Variants in SOX21 observed in about 807,000 individuals in gnomAD.
The protein encoded by SOX21 is transcription factor SOX-21.
For synonymous variants in SOX21, 237 were observed against 189.7 expected (o/e 1.25, Z -2.05); for missense variants, 370 against 388.8 (o/e 0.95, Z 0.41).
rs1009907592 is a variant in SOX21, at chr13:94,711,016, C to T, written c.*203G>A. The T allele has an allele frequency of 9.3e-6, 4 of 427,902 alleles. No individual in the cohort carries two copies. The highest frequency in any genetic ancestry group is 1.6e-5 in the Non-Finnish European group (4 of 255,918). The allele number at this position is 427,902 out of a possible 1,614,324, so 26.5% of individuals were successfully genotyped here. ...CGGGTCTGAAATGATCCTGCGAATT[C>T]ACAGGCCTGCTCGCCCGCGCCCTTG... On this transcript the variant is annotated 3_prime_UTR_variant, in exon 1 of 1. Transcript: ENST00000376945.
rs1160138288 is a variant in SOX21, at chr13:94,712,061, G to C, written c.-12C>G. 1 of 1,609,514 alleles carries C rather than the reference G, an allele frequency of 6.2e-7. No individual in the cohort carries two copies. The highest frequency in any genetic ancestry group is 1.3e-5 in the African/African-American group (1 of 74,630). On this transcript the variant is annotated 5_prime_UTR_variant, in exon 1 of 1. Coordinates refer to ENST00000376945, the MANE Select transcript of SOX21 (RefSeq NM_007084.4). This position sits in a 1 kb window ranked among gnomAD's most constrained non-coding sequence, Gnocchi z 5.0. Reference sequence around the variant, plus strand: ...ACCGGCTTGGACATGCTCTCGCCCTGCCGCGGCTGCAGCCCGCCGCCTCCC... The same window carrying C: ...ACCGGCTTGGACATGCTCTCGCCCTCCCGCGGCTGCAGCCCGCCGCCTCCC...
In SOX21 at chr13:94,712,209, C is replaced by T; in HGVS notation, c.-160G>A. Reference sequence around the variant, plus strand: ...CCGGAGGAGGGGGCTGGGGGACCAGCCCAGGGCCACGCCGCGCCCCGGGCC... The same window carrying T: ...CCGGAGGAGGGGGCTGGGGGACCAGTCCAGGGCCACGCCGCGCCCCGGGCC... On this transcript the variant is annotated 5_prime_UTR_variant, in exon 1 of 1. Transcript: ENST00000376945. This position sits in a 1 kb window ranked among gnomAD's most constrained non-coding sequence, Gnocchi z 5.0. 3.9e-6 allele frequency: 5 copies of T among 1,281,606 alleles called. No individual in the cohort carries two copies. The highest frequency in any genetic ancestry group is 4.9e-6 in the Non-Finnish European group (5 of 1,019,344). The allele number at this position is 1,281,606 out of a possible 1,614,324, so 79.4% of individuals were successfully genotyped here. A position where few individuals can be genotyped will look rare whatever the true frequency, so the allele number is the denominator to read the frequency against.
chr13:94,711,402 G>GGCCGCCGCTGCAGCCGCC lies in SOX21; in HGVS notation c.630_647dup (p.Ala214_Ala219dup), dbSNP rs1439049576. 9.5e-6 allele frequency: 7 copies of GGCCGCCGCTGCAGCCGCC among 739,454 alleles called. No individual in the cohort carries two copies. Among genetic ancestry groups the GGCCGCCGCTGCAGCCGCC allele is most frequent in the South Asian group, 1.2e-4 (2 of 16,312 alleles). The allele number at this position is 739,454 out of a possible 1,614,324, so 45.8% of individuals were successfully genotyped here. ...AGTGCGTGTGCCCCCCGGCGGCGGC[G>GGCCGCCGCTGCAGCCGCC]GCCGCCGCTGCAGCCGCCGCCGCCG... On this transcript the variant is annotated inframe_insertion, in exon 1 of 1. Coordinates refer to ENST00000376945, the MANE Select transcript of SOX21 (RefSeq NM_007084.4).
Position 94,711,804 on chromosome 13 carries a change from C to T in SOX21, c.246G>A (p.Lys82=). ...TGTCCTTCTTGAGCAGCGTCTTGGGCTTGCGCCGCGGCCGGTACTTGTAGT... is the reference window on the plus strand; with the variant it reads ...TGTCCTTCTTGAGCAGCGTCTTGGGTTTGCGCCGCGGCCGGTACTTGTAGT... The part of the protein sequence containing the change: ...HPDYKYRPRR[K]PKTLLKKDKF... Residue 82 remains lysine (K), a synonymous_variant, in exon 1 of 1, where the codon AAG becomes AAA. Transcript: ENST00000376945. 1 of 1,613,838 alleles carries T rather than the reference C, an allele frequency of 6.2e-7. No individual in the cohort carries two copies. Among genetic ancestry groups the T allele is most frequent in the Non-Finnish European group, 8.5e-7 (1 of 1,179,888 alleles).
In SOX21 at chr13:94,711,121, C is replaced by T; in HGVS notation, c.*98G>A. On this transcript the variant is annotated 3_prime_UTR_variant, in exon 1 of 1. Coordinates refer to ENST00000376945, the MANE Select transcript of SOX21 (RefSeq NM_007084.4). ...ACATTCTATGTACATACAAACCGGG[C>T]CCCCGGTCGCGGGAGGGCGCACGGG... is the stretch of plus-strand genomic sequence containing the variant. 9.0e-7 allele frequency: 1 copy of T among 1,115,668 alleles called. No individual in the cohort carries two copies. Among genetic ancestry groups the T allele is most frequent in the Non-Finnish European group, 1.1e-6 (1 of 882,466 alleles). The allele number at this position is 1,115,668 out of a possible 1,614,324, so 69.1% of individuals were successfully genotyped here. A position where few individuals can be genotyped will look rare whatever the true frequency, so the allele number is the denominator to read the frequency against.
chr13:94,710,861 G>T lies in SOX21; in HGVS notation c.*358C>A. Reference sequence around the variant, plus strand: ...CGACCATGAAACTTCCAACAAAACTGGAAAGGCCAACATGTCAAAAAGTTA... The same window carrying T: ...CGACCATGAAACTTCCAACAAAACTTGAAAGGCCAACATGTCAAAAAGTTA... On this transcript the variant is annotated 3_prime_UTR_variant, in exon 1 of 1. Coordinates refer to ENST00000376945, the MANE Select transcript of SOX21 (RefSeq NM_007084.4). 1 of 190,450 alleles carries T rather than the reference G, an allele frequency of 5.3e-6. No homozygotes were observed. Among genetic ancestry groups the T allele is most frequent in the Non-Finnish European group, 1.1e-5 (1 of 92,918 alleles). 11.8% of individuals were successfully genotyped at this position (190,450 alleles called of 1,614,324 possible). A position where few individuals can be genotyped will look rare whatever the true frequency, so the allele number is the denominator to read the frequency against.
In SOX21 at chr13:94,711,495, G is replaced by T; in HGVS notation, c.555C>A (p.Ser185=). ...LGSKMAEISS[S]SSGLPYASSL... ...ACGACGCGTACGGGAGGCCGGACGA[G>T]GACGACGAGATCTCTGCCATTTTGG... The change falls in exon 1 of 1, where the codon TCC becomes TCA. Residue 185 remains serine, a synonymous_variant. Coordinates refer to ENST00000376945, the MANE Select transcript of SOX21 (RefSeq NM_007084.4). The T allele has an allele frequency of 9.3e-7, 1 of 1,079,154 alleles. No individual in the cohort carries two copies. Among genetic ancestry groups the T allele is most frequent in the Non-Finnish European group, 1.1e-6 (1 of 883,242 alleles). 66.8% of individuals were successfully genotyped at this position (1,079,154 alleles called of 1,614,324 possible).
rs1594515290 is a variant in SOX21 at position 94,711,391 on chromosome 13, C to T, written c.659G>A (p.Gly220Glu). The T allele has an allele frequency of 2.4e-6, 3 of 1,230,248 alleles. No individual in the cohort carries two copies. The highest frequency in any genetic ancestry group is 4.1e-5 in the South Asian group (1 of 24,414). 76.2% of individuals were successfully genotyped at this position (1,230,248 alleles called of 1,614,324 possible). A position where few individuals can be genotyped will look rare whatever the true frequency, so the allele number is the denominator to read the frequency against. The part of the protein sequence containing the change: ...AAAAAAAAAA[G>E]GHTHSHPSPG... ...GCTGGGGTGCGAGTGCGTGTGCCCC[C>T]CGGCGGCGGCGGCCGCCGCTGCAGC... The change falls in exon 1 of 1, where the codon GGG (glycine) becomes GAG (glutamate). Residue 220 changes from glycine (G) to glutamate (E), a missense_variant. Transcript: ENST00000376945.
rs918920103 is a variant in SOX21, at chr13:94,711,102, T to C, written c.*117A>G. On this transcript the variant is annotated 3_prime_UTR_variant, in exon 1 of 1. Transcript: ENST00000376945. ...GCCTCTACCTGGCACCTATACATTC[T>C]ATGTACATACAAACCGGGCCCCCGG... 2.9e-6 allele frequency: 3 copies of C among 1,021,216 alleles called. No individual in the cohort carries two copies. The highest frequency in any genetic ancestry group is 2.5e-6 in the Non-Finnish European group (2 of 796,620). The allele number at this position is 1,021,216 out of a possible 1,614,324, so 63.3% of individuals were successfully genotyped here.
Position 94,709,718 on chromosome 13 carries a change from C to T in SOX21, c.*1501G>A, listed in dbSNP as rs1485078113. ...TTCTAATTTACAGATATACCTTAGA[C>T]GTCTAATATTAAATTAGAAGGTCAC... On this transcript the variant is annotated 3_prime_UTR_variant, in exon 1 of 1. Transcript: ENST00000376945. 1 of 152,540 alleles carries T rather than the reference C, an allele frequency of 6.6e-6. No homozygotes were observed. Among genetic ancestry groups the T allele is most frequent in the Non-Finnish European group, 1.5e-5 (1 of 68,028 alleles). The allele number at this position is 152,540 out of a possible 1,614,324, so 9.4% of individuals were successfully genotyped here. A position where few individuals can be genotyped will look rare whatever the true frequency, so the allele number is the denominator to read the frequency against.
Position 94,711,405 on chromosome 13 carries a change from C to CG in SOX21, c.644dup (p.Ala216GlyfsTer80). 192 of 521,490 alleles carry CG rather than the reference C, an allele frequency of 3.7e-4. No individual in the cohort carries two copies. Among genetic ancestry groups the CG allele is most frequent in the Middle Eastern group, 2.7e-3 (3 of 1,120 alleles). 32.3% of individuals were successfully genotyped at this position (521,490 alleles called of 1,614,324 possible). On this transcript the variant is annotated frameshift_variant, in exon 1 of 1. Transcript: ENST00000376945. LOFTEE classifies it high-confidence loss of function. ...GCGTGTGCCCCCCGGCGGCGGCGGCCGCCGCTGCAGCCGCCGCCGCCGCGC... is the reference window on the plus strand; with the variant it reads ...GCGTGTGCCCCCCGGCGGCGGCGGCCGGCCGCTGCAGCCGCCGCCGCCGCGC...
Position 94,712,222 on chromosome 13 carries a change from C to A in SOX21, c.-173G>T. Reference sequence around the variant, plus strand: ...CTGGGGGACCAGCCCAGGGCCACGCCGCGCCCCGGGCCGCCTTAGTGTCTC... The same window carrying A: ...CTGGGGGACCAGCCCAGGGCCACGCAGCGCCCCGGGCCGCCTTAGTGTCTC... On this transcript the variant is annotated 5_prime_UTR_variant, in exon 1 of 1. Coordinates refer to ENST00000376945, the MANE Select transcript of SOX21 (RefSeq NM_007084.4). The surrounding 1 kb of genome is among the most constrained non-coding windows in gnomAD (Gnocchi z 5.0). 8.0e-7 allele frequency: 1 copy of A among 1,257,790 alleles called. No individual in the cohort carries two copies. The highest frequency in any genetic ancestry group is 9.9e-7 in the Non-Finnish European group (1 of 1,006,086). 77.9% of individuals were successfully genotyped at this position (1,257,790 alleles called of 1,614,324 possible).
chr13:94,711,260 G>C lies in SOX21; in HGVS notation c.790C>G (p.Gln264Glu). 1 of 1,376,106 alleles carries C rather than the reference G, an allele frequency of 7.3e-7. No homozygotes were observed. The highest frequency in any genetic ancestry group is 9.3e-7 in the Non-Finnish European group (1 of 1,070,238). The allele number at this position is 1,376,106 out of a possible 1,614,324, so 85.2% of individuals were successfully genotyped here. The change falls in exon 1 of 1, where the codon CAG becomes GAG. Residue 264 changes from glutamine to glutamate, a missense_variant. Gln to Glu is a conservative substitution (Grantham distance 29). Transcript: ENST00000376945. ...YILLPGMGKP[Q>E]LDPYPAAYAA... ...TAGGCCGCGGGGTAGGGGTCCAGCT[G>C]GGGCTTGCCCATGCCCGGCAGCAGG... is the stretch of plus-strand genomic sequence containing the variant.
chr13:94,712,499 C>T lies in SOX21; in HGVS notation c.-450G>A. On this transcript the variant is annotated 5_prime_UTR_variant, in exon 1 of 1. Transcript: ENST00000376945. This position sits in a 1 kb window ranked among gnomAD's most constrained non-coding sequence, Gnocchi z 5.0. The stretch of plus-strand genomic sequence containing the variant: ...GAAGTTGAGCCGAGGAGCCCGCCGC[C>T]GCGTGCTGCCAAGTGCCAAAGGGGG... The T allele has an allele frequency of 1.0e-6, 1 of 987,840 alleles. No individual in the cohort carries two copies. The highest frequency in any genetic ancestry group is 1.2e-6 in the Non-Finnish European group (1 of 832,034). 61.2% of individuals were successfully genotyped at this position (987,840 alleles called of 1,614,324 possible). A position where few individuals can be genotyped will look rare whatever the true frequency, so the allele number is the denominator to read the frequency against.
rs559144265 is a variant in SOX21, at chr13:94,710,049, C to A, written c.*1170G>T. The stretch of plus-strand genomic sequence containing the variant: ...AGAAATGCTAGCTGAAAATGAGAGA[C>A]ATCTGTTGAAACAATTCTGTGCTTT... On this transcript the variant is annotated 3_prime_UTR_variant, in exon 1 of 1. Coordinates refer to ENST00000376945, the MANE Select transcript of SOX21 (RefSeq NM_007084.4). The A allele has an allele frequency of 2.6e-5, 4 of 152,288 alleles. No individual in the cohort carries two copies. In the South Asian group the frequency reaches 8.3e-4, roughly 32 times the overall value. 9.4% of individuals were successfully genotyped at this position (152,288 alleles called of 1,614,324 possible).
rs1422429740 is a variant in SOX21, at chr13:94,710,135, T to C, written c.*1084A>G. 2.6e-5 allele frequency: 4 copies of C among 152,300 alleles called. No homozygotes were observed. The highest frequency in any genetic ancestry group is 9.6e-5 in the African/African-American group (4 of 41,466). 9.4% of individuals were successfully genotyped at this position (152,300 alleles called of 1,614,324 possible). A position where few individuals can be genotyped will look rare whatever the true frequency, so the allele number is the denominator to read the frequency against. On this transcript the variant is annotated 3_prime_UTR_variant, in exon 1 of 1. Transcript: ENST00000376945. ...TACCAGACAAAAAAGTCTGATTTAA[T>C]CTTCGATAAAATTGCGATTCTGAAA...
Position 94,711,721 on chromosome 13 carries a change from G to T in SOX21, c.329C>A (p.Ala110Glu). 2 of 1,605,182 alleles carry T rather than the reference G, an allele frequency of 1.2e-6. No homozygotes were observed. The highest frequency in any genetic ancestry group is 1.7e-6 in the Non-Finnish European group (2 of 1,176,884). Residue 110 changes from alanine to glutamate, a missense_variant, in exon 1 of 1, where the codon GCG (alanine) becomes GAG (glutamate). Transcript: ENST00000376945. ...GTGCAGCCCGGCGCCCGCCTTGAGCGCAGGGTGCTCGGCGTCCGCCACGCC... is the reference window on the plus strand; with the variant it reads ...GTGCAGCCCGGCGCCCGCCTTGAGCTCAGGGTGCTCGGCGTCCGCCACGCC... ...LGGVADAEHP[A>E]LKAGAGLHAG...
rs747444914 is a variant in SOX21, at chr13:94,712,076, C to T, written c.-27G>A. On this transcript the variant is annotated 5_prime_UTR_variant, in exon 1 of 1. Transcript: ENST00000376945. The surrounding 1 kb of genome is among the most constrained non-coding windows in gnomAD (Gnocchi z 5.0). ...CTCTCGCCCTGCCGCGGCTGCAGCC[C>T]GCCGCCTCCCGGGCCCTCGCCCTCG... The T allele has an allele frequency of 1.5e-5, 24 of 1,604,036 alleles. No homozygotes were observed. In the South Asian group the frequency reaches 2.2e-4, roughly 15 times the overall value.
Position 94,710,251 on chromosome 13 carries a change from C to T in SOX21, c.*968G>A, listed in dbSNP as rs1322511089. 2 of 152,602 alleles carry T rather than the reference C, an allele frequency of 1.3e-5. No individual in the cohort carries two copies. The highest frequency in any genetic ancestry group is 4.8e-5 in the African/African-American group (2 of 41,432). 9.5% of individuals were successfully genotyped at this position (152,602 alleles called of 1,614,324 possible). On this transcript the variant is annotated 3_prime_UTR_variant, in exon 1 of 1. Coordinates refer to ENST00000376945, the MANE Select transcript of SOX21 (RefSeq NM_007084.4). ...CTCAAACTTAGGGCAACGAAAATAACACATTTTCCAAGCCTCAATGTTTTC... is the reference window on the plus strand; with the variant it reads ...CTCAAACTTAGGGCAACGAAAATAATACATTTTCCAAGCCTCAATGTTTTC...
Sources: gnomAD v4.1 joint callset for allele counts on GRCh38, gnomAD v4.1.1 for gene constraint, Gnocchi (gnomAD v3.1) non-coding constraint, MANE v1.5 for transcripts, NCBI Gene and HGNC (gene_info 2026-07-23, HGNC 2026-07-21) for gene names.